The following GABRB3 variants were observed in gnomAD, a reference collection of about 807,000 sequenced individuals.
GABRB3 encodes gamma-aminobutyric acid type A receptor subunit beta3.
GABRB3 carries 14 observed loss-of-function variants against 52.1 expected under a neutral mutation model. The ratio of observed to expected loss-of-function variants is 0.27; its 90% CI spans 0.18 to 0.42. GABRB3 has a LOEUF of 0.42. Among genes scored for constraint, GABRB3 ranks in the 10% least tolerant of loss-of-function variants. The pLI is 1.00. For missense variants in GABRB3, 307 were observed against 609.1 expected (o/e 0.50, Z 5.22); for synonymous variants, 260 against 232.3 (o/e 1.12, Z -1.08).
chr15:26,571,625 A>C (rs937183827), intron 6 of GABRB3, among the ~76,000 whole-genome samples: 4 of 152,208 alleles, frequency 2.6e-5, no homozygotes, highest in Non-Finnish European at 4.4e-5. Context: ...CAGTCAAACA[A>C]ACACTTGGAC....
At position 26,764,173 on chromosome 15, in the gene GABRB3, AAAAAAAATATATATATATATATAT is replaced by A. The variant is rs1566834478; in HGVS notation, c.240+8205_240+8228del. On this transcript the variant is annotated intron_variant, in intron 3 of 8. Transcript: ENST00000311550. The stretch of plus-strand genomic sequence containing the variant: ...TCAAAAAAAAAAAAAAAAAAAAAAA[AAAAAAAATATATATATATATATAT>A]ATATATATATATATATATATATATA... 3.1e-3 allele frequency among the ~76,000 whole-genome samples: 48 copies of A among 15,338 alleles called. 7 individuals carry two copies. The highest frequency in any genetic ancestry group is 8.2e-3 in the East Asian group (3 of 364). 10.1% of individuals were successfully genotyped at this position (15,338 alleles called of 152,430 possible).
chr15:26,711,973 G>GA (rs543968479), intron 3 of GABRB3, among the ~76,000 whole-genome samples: 204 of 152,300 alleles, frequency 1.3e-3, no homozygotes, highest in Non-Finnish European at 1.7e-3. Context: ...CTGAGAAGAA[G>GA]AGAGCTTGGT....
At chr15:26,608,342 A>G (rs1458876091) in intron 4 of GABRB3, among the ~76,000 whole-genome samples, 1 of 152,130 alleles carries the variant, frequency 6.6e-6, no homozygotes, top group Admixed American at 6.6e-5. Flanking sequence ...GTAACTAGCA[A>G]CTGTTAAATT....
intron 3 of GABRB3, among the ~76,000 whole-genome samples, chr15:26,732,562 C>CA (rs1255858236): frequency 8.2e-6 from 1 of 122,596 alleles, no homozygotes; most frequent in East Asian, 2.5e-4. Flanking sequence ...ACCCCTTTCT[C>CA]CCAAAAAAAT....
At chr15:26,708,363 A>C (rs1055668433) in intron 3 of GABRB3, among the ~76,000 whole-genome samples, 1 of 152,130 alleles carries the variant, frequency 6.6e-6, no homozygotes, top group Non-Finnish European at 1.5e-5. Context: ...TTGTTGACTA[A>C]CTCCTGCTCA....
At chr15:26,554,983 T>A (rs1026301377) in intron 8 of GABRB3, among the ~76,000 whole-genome samples, 3 of 151,938 alleles carry the variant, frequency 2.0e-5, no homozygotes, top group Non-Finnish European at 4.4e-5. Flanking sequence ...ATCAAGATCA[T>A]CCTGGCCAAC....
chr15:26,554,043 A>ATATATATATATATATATATT lies in GABRB3; in HGVS notation c.1081-5910_1081-5909insAATATATATATATATATATA, dbSNP rs1487375439. On this transcript the variant is annotated intron_variant, in intron 8 of 8. Transcript: ENST00000311550. ...TATTTATATATATATATATTTATTT[A>ATATATATATATATATATATT]TTTATATTTATTTATATATAAAGTG... Among the ~76,000 whole-genome samples the ATATATATATATATATATATT allele has an allele frequency of 1.1e-4, 12 of 108,136 alleles. 1 individual carries two copies. The highest frequency in any genetic ancestry group is 4.1e-4 in the African/African-American group (11 of 26,892). The allele number at this position is 108,136 out of a possible 152,430, so 70.9% of individuals were successfully genotyped here.
chr15:26,639,794 T>C (rs1893150886), intron 3 of GABRB3, among the ~76,000 whole-genome samples: 1 of 152,232 alleles, frequency 6.6e-6, no homozygotes, highest in Non-Finnish European at 1.5e-5. Context: ...TTGTGTTTGT[T>C]TTAATTCCTC....
chr15:26,630,614 C>G (rs77774723), intron 3 of GABRB3, among the ~76,000 whole-genome samples: 1 of 152,086 alleles, frequency 6.6e-6, no homozygotes, highest in East Asian at 1.9e-4. Flanking sequence ...AAAACAGAAC[C>G]TTTCTTTAAA....
At position 26,566,177 on chromosome 15, in the gene GABRB3, A is replaced by G. The variant is rs576461009; in HGVS notation, c.835+1404T>C. On this transcript the variant is annotated intron_variant, in intron 7 of 8. Coordinates refer to ENST00000311550, the MANE Select transcript of GABRB3 (RefSeq NM_000814.6). Reference sequence around the variant, plus strand: ...TGCTTATGATACCTATTAGAAATACATAACAATTAAAACAGCACTTTCAGT... The same window carrying G: ...TGCTTATGATACCTATTAGAAATACGTAACAATTAAAACAGCACTTTCAGT... Among the ~76,000 whole-genome samples, 282 of 152,306 alleles carry G rather than the reference A, an allele frequency of 1.9e-3. 1 individual carries two copies. Among genetic ancestry groups the G allele is most frequent in the Non-Finnish European group, 3.5e-3 (235 of 68,038 alleles).
At chr15:26,703,548 T>G (rs1452353379) in intron 3 of GABRB3, among the ~76,000 whole-genome samples, 3 of 152,202 alleles carry the variant, frequency 2.0e-5, no homozygotes, top group Non-Finnish European at 4.4e-5. Flanking sequence ...CATCTCAGCA[T>G]CAACTTTGAA....
chr15:26,568,684 G>GTGTTTTTTTTT (rs373552704), intron 6 of GABRB3, among the ~76,000 whole-genome samples: 22 of 133,724 alleles, frequency 1.6e-4, no homozygotes, highest in Middle Eastern at 3.7e-3. Context: ...TTTTTTTTTG[G>GTGTTTTTTTTT]TTTTGTATGT....
chr15:26,649,701 T>C (rs1404198243), intron 3 of GABRB3, among the ~76,000 whole-genome samples: 1 of 146,290 alleles, frequency 6.8e-6, no homozygotes, highest in East Asian at 2.0e-4. Flanking sequence ...TGTGTGAAAT[T>C]AGAGAGGACA....
At chr15:26,632,201 A>G (rs1892930835) in intron 3 of GABRB3, among the ~76,000 whole-genome samples, 1 of 152,224 alleles carries the variant, frequency 6.6e-6, no homozygotes, top group Admixed American at 6.5e-5. Context: ...GTGTACAGCA[A>G]TGCGAAAGAA....
intron 3 of GABRB3, among the ~76,000 whole-genome samples, chr15:26,703,222 G>A (rs1200461040): frequency 6.6e-6 from 1 of 152,170 alleles, no homozygotes; most frequent in Non-Finnish European, 1.5e-5. Flanking sequence ...CAGTTCTAGA[G>A]GCTGGAAATT....
At position 26,633,950 on chromosome 15, in the gene GABRB3, T is replaced by C. The variant is rs1038200621; in HGVS notation, c.241-12416A>G. ...AACGGACTCTTAATTCGTTTCAAAG[T>C]GTGGCGTTTTCTCTAACTCGCTCAG... On this transcript the variant is annotated intron_variant, in intron 3 of 8. Coordinates refer to ENST00000311550, the MANE Select transcript of GABRB3 (RefSeq NM_000814.6). 2.0e-5 allele frequency among the ~76,000 whole-genome samples: 3 copies of C among 152,234 alleles called. No homozygotes were observed. In the South Asian group the frequency reaches 6.2e-4, roughly 31 times the overall value.
intron 3 of GABRB3, among the ~76,000 whole-genome samples, chr15:26,682,898 G>A (rs1274736656): frequency 6.6e-6 from 1 of 152,204 alleles, no homozygotes; most frequent in African/African-American, 2.4e-5. Context: ...CGGCCACTCA[G>A]CCTGGAGCCC....
At chr15:26,761,413 T>C (rs1847689840) in intron 3 of GABRB3, among the ~76,000 whole-genome samples, 1 of 151,612 alleles carries the variant, frequency 6.6e-6, no homozygotes, top group African/African-American at 2.4e-5. Context: ...AAATACAATA[T>C]TAGTCATAAG....
At chr15:26,764,213 TATATATATATATATATATATATAG>T in intron 3 of GABRB3, among the ~76,000 whole-genome samples, 1 of 53,464 alleles carries the variant, frequency 1.9e-5, no homozygotes, top group East Asian at 5.0e-4. Context: ...TATATATATA[TATATATATATATATATATATATAG>T]TGTCATGAAT....
Sources: allele counts gnomAD v4.1 joint callset (sites outside exome capture counted in the v4.1 genomes callset), GRCh38; gene constraint gnomAD v4.1.1; transcripts MANE v1.5; gene names NCBI Gene and HGNC (gene_info 2026-07-23, HGNC 2026-07-21).